DGKI: variants seen among roughly 807,000 people sequenced by gnomAD.
DGKI encodes diacylglycerol kinase iota.
In DGKI, 55 loss-of-function variants were observed where a neutral mutation model predicts 147.5. That is an observed-to-expected ratio of 0.37 (90% CI 0.30 to 0.47). DGKI has a LOEUF of 0.47. Ranked by LOEUF, DGKI falls within the 20% of genes least tolerant of loss-of-function variation. DGKI has a pLI of 1.00. For missense variants in DGKI, 1,007 were observed against 1,323.8 expected (o/e 0.76, Z 3.71); for synonymous variants, 469 against 477.1 (o/e 0.98, Z 0.22).
chr7:137,498,810 G>C (rs1406652538), intron 21 of DGKI, among the ~76,000 whole-genome samples: 1 of 152,140 alleles, frequency 6.6e-6, no homozygotes, highest in Non-Finnish European at 1.5e-5. Context: ...CCCCTGACAT[G>C]CTCTGCCTGA....
chr7:137,498,145 A>G (rs1302131400), intron 21 of DGKI, among the ~76,000 whole-genome samples: 1 of 151,948 alleles, frequency 6.6e-6, no homozygotes, highest in Non-Finnish European at 1.5e-5. Context: ...ATAAAAGAGT[A>G]CAAAACCCTT....
chr7:137,429,316 T>G (rs1812963023), intron 28 of DGKI, among the ~76,000 whole-genome samples: 1 of 152,118 alleles, frequency 6.6e-6, no homozygotes, highest in African/African-American at 2.4e-5. Flanking sequence ...GATTCCCTAT[T>G]TAATAAATGG....
At chr7:137,584,395 A>C (rs1819313161) in intron 14 of DGKI, among the ~76,000 whole-genome samples, 2 of 152,214 alleles carry the variant, frequency 1.3e-5, no homozygotes, top group African/African-American at 4.8e-5. Context: ...ATAATTTAGA[A>C]CCAAAGGACC....
At chr7:137,416,116 A>T (rs1812352486) in intron 28 of DGKI, among the ~76,000 whole-genome samples, 3 of 152,210 alleles carry the variant, frequency 2.0e-5, no homozygotes, top group Admixed American at 2.0e-4. Flanking sequence ...AGAAAGGAGA[A>T]AGGAGACAGA....
intron 30 of DGKI, among the ~76,000 whole-genome samples, chr7:137,398,858 C>T (rs1264291638): frequency 2.0e-5 from 3 of 151,838 alleles, no homozygotes; most frequent in Non-Finnish European, 4.4e-5. Flanking sequence ...AAGTAGTTAC[C>T]AAGAAAGATA....
In DGKI at chr7:137,482,717, A is replaced by C. The variant is rs192152745; in HGVS notation, c.2373+2657T>G. Reference sequence around the variant, plus strand: ...CCTTGCCCTGCTCAGGAAATTCCTCATTAGCTTCTCCCTGTGCTCTGGCCA... The same window carrying C: ...CCTTGCCCTGCTCAGGAAATTCCTCCTTAGCTTCTCCCTGTGCTCTGGCCA... On this transcript the variant is annotated intron_variant, in intron 23 of 32. Coordinates refer to ENST00000614521, the MANE Select transcript of DGKI (RefSeq NM_001321708.2). Among the ~76,000 whole-genome samples, 11 of 152,092 alleles carry C rather than the reference A, an allele frequency of 7.2e-5. No individual in the cohort carries two copies. The South Asian group carries it at 8.3e-4, about 11-fold the overall frequency.
intron 1 of DGKI, among the ~76,000 whole-genome samples, chr7:137,833,014 A>C (rs969954474): frequency 2.0e-5 from 3 of 152,172 alleles, no homozygotes; most frequent in African/African-American, 7.2e-5. Context: ...TCTCCACCTC[A>C]GCCTGGATCT....
chr7:137,776,374 C>T lies in DGKI; in HGVS notation c.401+70088G>A, dbSNP rs570288638. Among the ~76,000 whole-genome samples, 14 of 152,308 alleles carry T rather than the reference C, an allele frequency of 9.2e-5. No individual in the cohort carries two copies. In the South Asian group the frequency reaches 2.9e-3, roughly 32 times the overall value. On this transcript the variant is annotated intron_variant, in intron 1 of 32. Transcript: ENST00000614521. ...GTTTGATGAATGATTTAACCTCTAA[C>T]ATAGATCACCTGGTAGGCAATTATA...
chr7:137,778,646 A>G (rs1796433544), intron 1 of DGKI, among the ~76,000 whole-genome samples: 1 of 152,204 alleles, frequency 6.6e-6, no homozygotes, highest in African/African-American at 2.4e-5. Context: ...ATGGTTAGGC[A>G]AAATCTGGAG....
intron 29 of DGKI, among the ~76,000 whole-genome samples, chr7:137,411,526 G>T (rs1423134233): frequency 6.6e-6 from 1 of 152,048 alleles, no homozygotes; most frequent in Non-Finnish European, 1.5e-5. Context: ...TTTTACTGAT[G>T]AAAAAACTAA....
intron 28 of DGKI, among the ~76,000 whole-genome samples, chr7:137,429,284 G>C (rs1812961207): frequency 1.3e-5 from 2 of 151,366 alleles, no homozygotes; most frequent in Non-Finnish European, 3.0e-5. Flanking sequence ...ACAAACCTGA[G>C]AAAAACAAGC....
At chr7:137,561,721 A>T (rs909489832) in intron 19 of DGKI, among the ~76,000 whole-genome samples, 1 of 151,532 alleles carries the variant, frequency 6.6e-6, no homozygotes, top group Non-Finnish European at 1.5e-5. Context: ...TTTGATTTTT[A>T]AAAAAACAAC....
At chr7:137,558,613 C>G (rs2550976) in intron 19 of DGKI, among the ~76,000 whole-genome samples, 11,511 of 129,678 alleles carry the variant, frequency 0.089, 1,264 homozygotes, top group African/African-American at 0.27. Flanking sequence ...GTAAAACATG[C>G]TGTAGGGAAC....
At chr7:137,454,973 T>C (rs904450708) in intron 27 of DGKI, 1 of 152,136 alleles carries the variant, frequency 6.6e-6, no homozygotes, top group African/African-American at 2.4e-5. Context: ...TCTTAGCACG[T>C]GGGGCTTATA....
chr7:137,587,629 T>C (rs1819454051), intron 12 of DGKI, among the ~76,000 whole-genome samples: 1 of 152,188 alleles, frequency 6.6e-6, no homozygotes, highest in Admixed American at 6.5e-5. Flanking sequence ...ACTCATTTAC[T>C]TGATTTTCAA....
intron 1 of DGKI, among the ~76,000 whole-genome samples, chr7:137,733,941 A>T (rs1040947829): frequency 1.3e-5 from 2 of 152,048 alleles, no homozygotes; most frequent in Non-Finnish European, 2.9e-5. Context: ...TGCTGCACAG[A>T]TCCATTTGAA....
At chr7:137,457,307 T>G (rs1003307915) in intron 27 of DGKI, among the ~76,000 whole-genome samples, 7 of 152,180 alleles carry the variant, frequency 4.6e-5, no homozygotes, top group Non-Finnish European at 8.8e-5. Flanking sequence ...GAAGATTAAT[T>G]TTCTCCCGCT....
At chr7:137,772,317 CT>C (rs573035802) in intron 1 of DGKI, 119 of 152,260 alleles carry the variant, frequency 7.8e-4, no homozygotes, top group African/African-American at 2.6e-3. Context: ...ATATTATCTG[CT>C]TTTGGTCTGT....
At chr7:137,629,502 CA>C (rs1252680947) in intron 6 of DGKI, among the ~76,000 whole-genome samples, 5 of 152,240 alleles carry the variant, frequency 3.3e-5, no homozygotes, top group African/African-American at 2.4e-5. Flanking sequence ...AGTTGACAAA[CA>C]ACTGTGATGT....
Sources: gnomAD v4.1 joint callset for allele counts (sites outside exome capture counted in the v4.1 genomes callset) on GRCh38, gnomAD v4.1.1 for gene constraint, MANE v1.5 for transcripts, NCBI Gene and HGNC (gene_info 2026-07-23, HGNC 2026-07-21) for gene names.